Variants in PKHD1L1 observed in about 807,000 individuals in gnomAD.
PKHD1L1 encodes fibrocystin-L.
A neutral mutation model predicts 462.9 loss-of-function variants in PKHD1L1; 434 were observed. The observed-to-expected ratio is 0.94, with a 90% CI of 0.87 to 1.02. The LOEUF (loss-of-function observed/expected upper bound fraction) is 1.02, where lower values mean the gene tolerates loss of function less well. PKHD1L1 is among the 50% of genes least tolerant of loss of function. PKHD1L1 has a pLI of 0.00. For synonymous variants in PKHD1L1, 1,781 were observed against 1,750.0 expected (o/e 1.02, Z -0.44); for missense variants, 5,202 against 5,096.1 (o/e 1.02, Z -0.63).
At position 109,385,679 on chromosome 8, in the gene PKHD1L1, T is replaced by G. The variant is rs371486878; in HGVS notation, c.569+49T>G. On this transcript the variant is annotated intron_variant, in intron 6 of 77. Transcript: ENST00000378402. ...ATTCTTATAACTCATAAATGAGAAG[T>G]AATATTATAAAAATAATGGGTCCAA... 8.7e-5 allele frequency: 106 copies of G among 1,213,666 alleles called. No individual in the cohort carries two copies. The African/African-American group carries it at 1.4e-3, about 16-fold the overall frequency. 75.2% of individuals were successfully genotyped at this position (1,213,666 alleles called of 1,614,324 possible). A position where few individuals can be genotyped will look rare whatever the true frequency, so the allele number is the denominator to read the frequency against.
Position 109,410,726 on chromosome 8 carries a change from C to CTTTTTTTTTTTT in PKHD1L1, c.2085+758_2085+769dup, listed in dbSNP as rs71303459. On this transcript the variant is annotated intron_variant, in intron 19 of 77. Coordinates refer to ENST00000378402, the MANE Select transcript of PKHD1L1 (RefSeq NM_177531.6). ...TTCTTTTTTCTTTTCTTTTCTTTTT[C>CTTTTTTTTTTTT]TTTTTTTTTTTTTTTTTTTTTGAGA... is the stretch of plus-strand genomic sequence containing the variant. Among the ~76,000 whole-genome samples the CTTTTTTTTTTTT allele has an allele frequency of 8.0e-4, 55 of 68,400 alleles. 2 individuals carry two copies. The highest frequency in any genetic ancestry group is 1.5e-3 in the South Asian group (3 of 1,994). The allele number at this position is 68,400 out of a possible 152,430, so 44.9% of individuals were successfully genotyped here.
chr8:109,505,586 G>A (rs1245071934), intron 68 of PKHD1L1, among the ~76,000 whole-genome samples: 2 of 152,080 alleles, frequency 1.3e-5, no homozygotes, highest in Non-Finnish European at 2.9e-5. Flanking sequence ...AAGAGAAAAG[G>A]AATTATGTTC....
At position 109,425,189 on chromosome 8, in the gene PKHD1L1, A is replaced by G. The variant is rs538514561; in HGVS notation, c.2802A>G (p.Leu934=). 6.2e-7 allele frequency: 1 copy of G among 1,608,354 alleles called. No homozygotes were observed. The highest frequency in any genetic ancestry group is 1.1e-5 in the South Asian group (1 of 89,680). ...IQRIQAASPP[L]SGSFDIQAYG... ...GAATTCAAGCTGCATCTCCACCTCT[A>G]AGTGGCAGCTTTGACATTCAAGCTT... Residue 934 remains leucine, a synonymous_variant, in exon 24 of 78, where the codon CTA becomes CTG. Transcript: ENST00000378402.
At chr8:109,363,495 A>G (rs1156906127) in intron 1 of PKHD1L1, among the ~76,000 whole-genome samples, 1 of 152,210 alleles carries the variant, frequency 6.6e-6, no homozygotes, top group East Asian at 1.9e-4. Flanking sequence ...CTTTTTATAT[A>G]CATCCATTTT....
chr8:109,374,731 A>G (rs1286287934), intron 2 of PKHD1L1, among the ~76,000 whole-genome samples: 2 of 152,076 alleles, frequency 1.3e-5, no homozygotes, highest in African/African-American at 4.8e-5. Flanking sequence ...GCTTGTCTGT[A>G]AAGTATTTTA....
At position 109,531,441 on chromosome 8, in the gene PKHD1L1, G is replaced by A. The variant is rs1167854428; in HGVS notation, c.*1351G>A. Among the ~76,000 whole-genome samples the A allele has an allele frequency of 6.6e-6, 1 of 152,122 alleles. No individual in the cohort carries two copies. The highest frequency in any genetic ancestry group is 1.5e-5 in the Non-Finnish European group (1 of 68,014). ...ACATGATCACTGTCTCAGGGAGAGA[G>A]AGACAGAGAAAGACAGAGAGATAGA... is the stretch of plus-strand genomic sequence containing the variant. On this transcript the variant is annotated 3_prime_UTR_variant, in exon 78 of 78. Coordinates refer to ENST00000378402, the MANE Select transcript of PKHD1L1 (RefSeq NM_177531.6).
intron 59 of PKHD1L1, among the ~76,000 whole-genome samples, 187 bp from the exon 60 acceptor site, chr8:109,489,765 A>G (rs965541210): frequency 2.0e-5 from 3 of 151,918 alleles, no homozygotes; most frequent in Non-Finnish European, 4.4e-5. Context: ...TAGGAAAAAA[A>G]ATGTTGAAAA....
rs539752981 is a variant in PKHD1L1, at chr8:109,413,415, A to G, written c.2236-6A>G. The G allele has an allele frequency of 2.7e-6, 4 of 1,485,360 alleles. No individual in the cohort carries two copies. In the African/African-American group the frequency reaches 5.6e-5, roughly 21 times the overall value. 92.0% of individuals were successfully genotyped at this position (1,485,360 alleles called of 1,614,324 possible). A position where few individuals can be genotyped will look rare whatever the true frequency, so the allele number is the denominator to read the frequency against. ...TGTTACCAATGTTTTTCATATTTTT[A>G]TGTAGTTATGTTTAGCATACAAAGG... On this transcript the variant is annotated splice_polypyrimidine_tract_variant and splice_region_variant and intron_variant, in intron 20 of 77. Transcript: ENST00000378402.
rs568339679 is a variant in PKHD1L1, at chr8:109,534,797, C to T, written c.*4707C>T. ...ACCTCTTGTTGCCGTACTTGCAAGT[C>T]CTAATACAGTACTGTAGTTATTATA... is the stretch of plus-strand genomic sequence containing the variant. On this transcript the variant is annotated 3_prime_UTR_variant, in exon 78 of 78. Coordinates refer to ENST00000378402, the MANE Select transcript of PKHD1L1 (RefSeq NM_177531.6). Among the ~76,000 whole-genome samples the T allele has an allele frequency of 1.6e-4, 25 of 152,230 alleles. 1 individual carries two copies. In the South Asian group the frequency reaches 5.0e-3, roughly 30 times the overall value.
chr8:109,387,853 T>G (rs776735269), intron 6 of PKHD1L1, among the ~76,000 whole-genome samples: 5 of 152,184 alleles, frequency 3.3e-5, no homozygotes, highest in Admixed American at 1.3e-4. Context: ...TATTCTGGTG[T>G]TGTAAAGAAT....
intron 6 of PKHD1L1, among the ~76,000 whole-genome samples, chr8:109,386,573 C>A (rs1325623214): frequency 6.6e-6 from 1 of 152,022 alleles, no homozygotes; most frequent in Non-Finnish European, 1.5e-5. Context: ...TAGAATAGAA[C>A]CTTTAATTAA....
At chr8:109,505,734 A>G (rs1819653898) in intron 68 of PKHD1L1, among the ~76,000 whole-genome samples, 1 of 152,046 alleles carries the variant, frequency 6.6e-6, no homozygotes, top group South Asian at 2.1e-4. Context: ...TACCATCTCT[A>G]CAAAAAATTA....
intron 10 of PKHD1L1, among the ~76,000 whole-genome samples, chr8:109,395,055 G>A (rs1474355148): frequency 6.6e-6 from 1 of 152,184 alleles, no homozygotes; most frequent in African/African-American, 2.4e-5. Context: ...TGGCTGTGCT[G>A]CTCAGCATCG....
rs1816086355 is a variant in PKHD1L1 at position 109,445,530 on chromosome 8, G to A, written c.5661G>A (p.Gly1887=). 1.2e-6 allele frequency: 2 copies of A among 1,613,512 alleles called. No individual in the cohort carries two copies. The highest frequency in any genetic ancestry group is 1.7e-6 in the Non-Finnish European group (2 of 1,179,718). ...PNEVYCRTPA[G]TTGMVDVKIF... The stretch of plus-strand genomic sequence containing the variant: ...AAGTCTACTGCCGCACTCCCGCTGG[G>A]ACCACTGGAATGGTCGATGTTAAAA... The change falls in exon 38 of 78, where the codon GGG becomes GGA. Residue 1887 remains glycine, a synonymous_variant. Transcript: ENST00000378402.
chr8:109,405,239 T>C (rs1053096033), intron 16 of PKHD1L1, 109 bp downstream of exon 16: 30 of 663,288 alleles, frequency 4.5e-5, no homozygotes, highest in Non-Finnish European at 6.7e-5. Context: ...GTTTTGATGA[T>C]ATGCTAGACA....
intron 2 of PKHD1L1, among the ~76,000 whole-genome samples, chr8:109,373,083 C>G (rs1811604255): frequency 6.6e-6 from 1 of 152,134 alleles, no homozygotes; most frequent in African/African-American, 2.4e-5. Context: ...AGGAATGGTA[C>G]CAGCTCCTCC....
At chr8:109,383,191 T>TATATAATTATATATTATATA (rs1248760372) in intron 4 of PKHD1L1, among the ~76,000 whole-genome samples, 46 of 91,940 alleles carry the variant, frequency 5.0e-4, no homozygotes, top group African/African-American at 1.7e-3. Context: ...TATATAATTA[T>TATATAATTATATATTATATA]ATATAATTAT....
At position 109,534,785 on chromosome 8, in the gene PKHD1L1, G is replaced by A. The variant is rs145262371; in HGVS notation, c.*4695G>A. On this transcript the variant is annotated 3_prime_UTR_variant, in exon 78 of 78. Transcript: ENST00000378402. Reference sequence around the variant, plus strand: ...AACCAGCTACAAACCTCTTGTTGCCGTACTTGCAAGTCCTAATACAGTACT... The same window carrying A: ...AACCAGCTACAAACCTCTTGTTGCCATACTTGCAAGTCCTAATACAGTACT... 1.2e-4 allele frequency among the ~76,000 whole-genome samples: 19 copies of A among 152,266 alleles called. No individual in the cohort carries two copies. Among genetic ancestry groups the A allele is most frequent in the South Asian group, 6.2e-4 (3 of 4,822 alleles).
rs549297612 is a variant in PKHD1L1, at chr8:109,470,283, T to C, written c.8605+3514T>C. The C allele has an allele frequency of 1.2e-5, 17 of 1,466,618 alleles. No homozygotes were observed. The African/African-American group carries it at 2.2e-4, about 19-fold the overall frequency. The allele number at this position is 1,466,618 out of a possible 1,614,324, so 90.9% of individuals were successfully genotyped here. A position where few individuals can be genotyped will look rare whatever the true frequency, so the allele number is the denominator to read the frequency against. ...AATACTGTGATCTGGAGTGTAGCCA[T>C]ACTTGTAACTGCAAAACGAGGTCAT... On this transcript the variant is annotated intron_variant, in intron 50 of 77. Coordinates refer to ENST00000378402, the MANE Select transcript of PKHD1L1 (RefSeq NM_177531.6).
Sources: allele counts gnomAD v4.1 joint callset (sites outside exome capture counted in the v4.1 genomes callset), GRCh38; gene constraint gnomAD v4.1.1; transcripts MANE v1.5; gene names NCBI Gene and HGNC (gene_info 2026-07-23, HGNC 2026-07-21).